SBF1: variants seen among roughly 807,000 people sequenced by gnomAD.
SBF1 encodes the protein myotubularin-related protein 5.
A neutral mutation model predicts 215.8 loss-of-function variants in SBF1; 65 were observed. That is an observed-to-expected ratio of 0.30 (90% confidence interval 0.25 to 0.37). The LOEUF (loss-of-function observed/expected upper bound fraction) is 0.37. Among genes scored for constraint, SBF1 ranks in the 10% least tolerant of loss-of-function variants. The probability of loss-of-function intolerance (pLI) is 1.00; values close to 1 mark genes in which losing one functional copy is unlikely to be tolerated. For synonymous variants in SBF1, 1,410 were observed against 1,122.8 expected (o/e 1.26, Z -5.11); for missense variants, 2,634 against 2,667.8 (o/e 0.99, Z 0.28).
rs375823291 is a variant in SBF1, at chr22:50,460,049, G to A, written c.3394C>T (p.Arg1132Cys). The change falls in exon 26 of 41, where the codon CGC becomes TGC. Residue 1132 changes from arginine (R) to cysteine (C), a missense_variant. Coordinates refer to ENST00000380817, the MANE Select transcript of SBF1 (RefSeq NM_002972.4). ...CTGCTCAGGGTGCCCAGACCGAGGCGCTGGTAGTCGCGACAGCAAGCCCTT... is the reference window on the plus strand; with the variant it reads ...CTGCTCAGGGTGCCCAGACCGAGGCACTGGTAGTCGCGACAGCAAGCCCTT... ...VERACCRDYQ[R>C]LGLGTLSSSL... The A allele has an allele frequency of 6.8e-6, 11 of 1,613,874 alleles. No individual in the cohort carries two copies. Among genetic ancestry groups the A allele is most frequent in the Admixed American group, 6.7e-5 (4 of 60,008 alleles).
Position 50,456,690 on chromosome 22 carries a change from A to T in SBF1, c.3905-17T>A. 6.9e-7 allele frequency: 1 copy of T among 1,458,512 alleles called. No homozygotes were observed. The highest frequency in any genetic ancestry group is 9.1e-7 in the Non-Finnish European group (1 of 1,102,730). 90.3% of individuals were successfully genotyped at this position (1,458,512 alleles called of 1,614,324 possible). ...CCCACTTACCTGTGAAGGAGATGCC[A>T]GGTAAGCACCCAAAGGGGGCCAGGG... is the stretch of plus-strand genomic sequence containing the variant. On this transcript the variant is annotated splice_polypyrimidine_tract_variant and intron_variant, in intron 29 of 40. Coordinates refer to ENST00000380817, the MANE Select transcript of SBF1 (RefSeq NM_002972.4).
rs558503306 is a variant in SBF1 at position 50,457,066 on chromosome 22, G to A, written c.3872C>T (p.Ala1291Val). Residue 1291 changes from alanine to valine, a missense_variant, in exon 29 of 41, where the codon GCG becomes GTG. By Grantham distance (64) the Ala-to-Val change is moderately conservative (BLOSUM62 0). Coordinates refer to ENST00000380817, the MANE Select transcript of SBF1 (RefSeq NM_002972.4). The stretch of plus-strand genomic sequence containing the variant: ...TGCGGTCCGTCTGGAGGCCGAGGCC[G>A]CCATGGGGTTGGACAGCGTGGTGAC... The part of the protein sequence containing the change: ...ARVTTLSNPM[A>V]ASASRRTAPR... 3.7e-5 allele frequency: 55 copies of A among 1,475,878 alleles called. No individual in the cohort carries two copies. The highest frequency in any genetic ancestry group is 4.6e-5 in the Non-Finnish European group (52 of 1,119,796). The allele number at this position is 1,475,878 out of a possible 1,614,324, so 91.4% of individuals were successfully genotyped here.
chr22:50,468,649 G>A (rs977856669), intron 1 of SBF1, among the ~76,000 whole-genome samples, 188 bp from the exon 2 acceptor site: 1 of 151,948 alleles, frequency 6.6e-6, no homozygotes, highest in Admixed American at 6.6e-5. Flanking sequence ...GCCACCTGAG[G>A]GTAGAGAAGC....
At chr22:50,467,944 T>A in intron 2 of SBF1, 21 bp from the exon 3 acceptor site, 1 of 1,612,582 alleles carries the variant, frequency 6.2e-7, no homozygotes, top group South Asian at 1.1e-5. Context: ...GGCTCAGCAG[T>A]CAGCTCCTCC....
intron 28 of SBF1, among the ~76,000 whole-genome samples, chr22:50,457,852 G>A (rs765273897): frequency 4.6e-5 from 7 of 152,192 alleles, no homozygotes; most frequent in Non-Finnish European, 7.3e-5. Context: ...ATGTCCCCTC[G>A]TCCACCAAGT....
In SBF1 at chr22:50,468,384, T is replaced by C. The variant is rs759227174; in HGVS notation, c.133A>G (p.Ile45Val). The change falls in exon 2 of 41, where the codon ATC (isoleucine) becomes GTC (valine). Residue 45 changes from isoleucine (I) to valine (V), a missense_variant. By Grantham distance (29) the Ile-to-Val change is conservative. Coordinates refer to ENST00000380817, the MANE Select transcript of SBF1 (RefSeq NM_002972.4). Reference protein sequence around the residue: ...DWEDNPFPQGIELFCQPSGWQ... With the variant: ...DWEDNPFPQGVELFCQPSGWQ... ...GCACGCCCCCAACTCACCAGCTCGA[T>C]GCCCTGGGGGAATGGGTTGTCCTCC... The C allele has an allele frequency of 2.4e-5, 39 of 1,612,954 alleles. No individual in the cohort carries two copies. Among genetic ancestry groups the C allele is most frequent in the Non-Finnish European group, 3.1e-5 (37 of 1,179,422 alleles).
intron 26 of SBF1, 138 bp from the exon 27 acceptor site, chr22:50,459,804 C>A (rs1183441683): frequency 2.3e-6 from 3 of 1,293,610 alleles, no homozygotes; most frequent in East Asian, 2.5e-5. Context: ...CCCCCAGCCA[C>A]CCCCCAGCCC....
chr22:50,465,867 C>T, intron 9 of SBF1, 27 bp from the exon 10 acceptor site: 1 of 1,612,284 alleles, frequency 6.2e-7, no homozygotes, highest in Non-Finnish European at 8.5e-7. Context: ...GAGCAGGCAG[C>T]TGCACGCTGG....
rs533824362 is a variant in SBF1 at position 50,466,385 on chromosome 22, C to T, written c.753G>A (p.Arg251=). Residue 251 remains arginine (R), a synonymous_variant, in exon 7 of 41, where the codon AGG becomes AGA. Coordinates refer to ENST00000380817, the MANE Select transcript of SBF1 (RefSeq NM_002972.4). ...RSYQRLADAC[R]GLLALLFPLR... is the part of the protein sequence containing the mutation. ...GAGGAAACAGCAGTGCCAGGAGGCC[C>T]CTACAGGCATCGGCGAGCCGCTGGT... 25 of 1,556,738 alleles carry T rather than the reference C, an allele frequency of 1.6e-5. 1 individual carries two copies. The highest frequency in any genetic ancestry group is 1.5e-4 in the South Asian group (13 of 84,884).
At chr22:50,450,333 A>G (rs1172125104) in intron 36 of SBF1, among the ~76,000 whole-genome samples, 1 of 152,028 alleles carries the variant, frequency 6.6e-6, no homozygotes, top group Non-Finnish European at 1.5e-5. Flanking sequence ...CCAGCCTGGT[A>G]AACATGGCAA....
chr22:50,473,001 T>C (rs1472185077), intron 1 of SBF1, among the ~76,000 whole-genome samples: 5 of 152,168 alleles, frequency 3.3e-5, no homozygotes, highest in Non-Finnish European at 7.4e-5. Flanking sequence ...TCCAGCCTTC[T>C]ACCCTGTCCT....
intron 5 of SBF1, 96 bp from the exon 6 acceptor site, chr22:50,466,806 G>A: frequency 3.6e-6 from 3 of 844,602 alleles, no homozygotes; most frequent in South Asian, 1.9e-5. Context: ...CTGGTGTACT[G>A]ACAGACCCGA....
In SBF1 at chr22:50,460,356, G is replaced by A; in HGVS notation, c.3199C>T (p.His1067Tyr). Residue 1067 changes from histidine to tyrosine, a missense_variant, in exon 25 of 41, where the codon CAT becomes TAT. His to Tyr is a moderately conservative substitution (Grantham distance 83). Coordinates refer to ENST00000380817, the MANE Select transcript of SBF1 (RefSeq NM_002972.4). ...KNAKKTIGRQ[H>Y]VTRKKYNPPS... ...GGGTTGTACTTCTTGCGAGTGACAT[G>A]CTGCCGCCCGATGGTCTTCTTGGCG... 1 of 1,613,574 alleles carries A rather than the reference G, an allele frequency of 6.2e-7. No homozygotes were observed. The highest frequency in any genetic ancestry group is 8.5e-7 in the Non-Finnish European group (1 of 1,179,654).
chr22:50,459,736 G>GC, intron 26 of SBF1, 70 bp from the exon 27 acceptor site: 2 of 1,470,610 alleles, frequency 1.4e-6, no homozygotes, highest in South Asian at 1.3e-5. Flanking sequence ...CCCAAGCAGG[G>GC]CAAGAGGAGC....
intron 1 of SBF1, among the ~76,000 whole-genome samples, chr22:50,471,329 A>AGGCG (rs1215710277): frequency 3.9e-5 from 6 of 152,208 alleles, no homozygotes; most frequent in Middle Eastern, 3.4e-3. Context: ...CAGGCCTGAA[A>AGGCG]GGCGGGCGGG....
At chr22:50,461,127 G>A in intron 23 of SBF1, 32 bp downstream of exon 23, 3 of 1,566,684 alleles carry the variant, frequency 1.9e-6, no homozygotes. Context: ...CAGGGCGGGG[G>A]ATGAGAGCCC....
intron 26 of SBF1, 34 bp from the exon 27 acceptor site, chr22:50,459,700 G>A (rs986946622): frequency 4.5e-6 from 7 of 1,552,432 alleles, no homozygotes; most frequent in East Asian, 2.3e-5. Context: ...GGTGGCTGGC[G>A]ACCCCACCCG....
chr22:50,449,217 G>A lies in SBF1; in HGVS notation c.5044-567C>T, dbSNP rs372725391. Reference sequence around the variant, plus strand: ...CAATACTGATCTTCAACACTGCAGGGTCCACAATGTCCAGCTTACAATAAA... The same window carrying A: ...CAATACTGATCTTCAACACTGCAGGATCCACAATGTCCAGCTTACAATAAA... On this transcript the variant is annotated intron_variant, in intron 36 of 40. Coordinates refer to ENST00000380817, the MANE Select transcript of SBF1 (RefSeq NM_002972.4). Among the ~76,000 whole-genome samples the A allele has an allele frequency of 3.3e-5, 5 of 151,778 alleles. No homozygotes were observed. The South Asian group carries it at 1.0e-3, about 32-fold the overall frequency.
intron 5 of SBF1, 37 bp downstream of exon 5, chr22:50,467,301 T>A (rs1251152618): frequency 6.4e-7 from 1 of 1,556,376 alleles, no homozygotes; most frequent in East Asian, 2.2e-5. Flanking sequence ...CAGGAGGGCC[T>A]GTGGCTGTGC....
Sources: gnomAD v4.1 joint callset for allele counts (sites outside exome capture counted in the v4.1 genomes callset) on GRCh38, gnomAD v4.1.1 for gene constraint, MANE v1.5 for transcripts, NCBI Gene and HGNC (gene_info 2026-07-23, HGNC 2026-07-21) for gene names.